The following ADGRF4 variants were observed in gnomAD, a reference collection of about 807,000 sequenced individuals.
The protein encoded by ADGRF4 is G-protein coupled receptor PGR18.
Under a neutral mutation model 58.5 loss-of-function variants are expected in ADGRF4, and 63 were observed. That is an observed-to-expected ratio of 1.08 (90% CI 0.88 to 1.33). The LOEUF is 1.33. ADGRF4 is among the 40% of genes most tolerant of loss of function. The pLI is 0.00. For missense variants in ADGRF4, 931 were observed against 843.9 expected, an observed-to-expected ratio of 1.10 and a Z score of -1.28; for synonymous variants, 313 against 295.4, an observed-to-expected ratio of 1.06 and a Z score of -0.61.
chr6:47,714,939 C>T lies in ADGRF4; in HGVS notation c.1694C>T (p.Pro565Leu), dbSNP rs140641930. ...NTKALLAFAI[P>L]AFVIVAVNLI... ...AAAGCCCTTTTAGCATTTGCCATCC[C>T]GGCGTTCGTCATTGTGGCTGTAAAT... Residue 565 changes from proline to leucine, a missense_variant, in exon 6 of 10, where the codon CCG (proline) becomes CTG (leucine). Transcript: ENST00000283303. The T allele has an allele frequency of 3.5e-5, 56 of 1,613,500 alleles. No homozygotes were observed. In the African/African-American group the frequency reaches 4.7e-4, roughly 13 times the overall value.
rs748750402 is a variant in ADGRF4 at position 47,714,637 on chromosome 6, C to T, written c.1392C>T (p.Asn464=). 2.3e-5 allele frequency: 37 copies of T among 1,614,086 alleles called. No individual in the cohort carries two copies. Among genetic ancestry groups the T allele is most frequent in the Non-Finnish European group, 3.1e-5 (36 of 1,180,032 alleles). Residue 464 remains asparagine (N), a synonymous_variant, in exon 6 of 10, where the codon AAC becomes AAT. Coordinates refer to ENST00000283303, the MANE Select transcript of ADGRF4 (RefSeq NM_153838.5). ...GGTTTATCATAGGCTCTCACTTTAA[C>T]ATTAAGGCCCAGGACTACAACATGT... is the stretch of plus-strand genomic sequence containing the variant. ...NVWFIIGSHF[N]IKAQDYNMCV... is the part of the protein sequence containing the mutation.
At chr6:47,709,722 G>A (rs1413439102) in intron 3 of ADGRF4, among the ~76,000 whole-genome samples, 3 of 152,208 alleles carry the variant, frequency 2.0e-5, no homozygotes, top group Non-Finnish European at 2.9e-5. Flanking sequence ...CATGCAGAGA[G>A]CAGCAAAAAA....
At chr6:47,707,386 G>T (rs1221641469) in intron 2 of ADGRF4, 48 bp downstream of exon 2, 2 of 1,051,192 alleles carry the variant, frequency 1.9e-6, no homozygotes, top group South Asian at 1.3e-5. Context: ...TCTCTCAGTT[G>T]CCCTCAATGG....
intron 6 of ADGRF4, 117 bp from the exon 7 acceptor site, chr6:47,716,689 G>T: frequency 1.3e-6 from 1 of 769,052 alleles, no homozygotes; most frequent in South Asian, 1.6e-5. Context: ...AGTGGAAACT[G>T]AACTTTCTAA....
intron 1 of ADGRF4, among the ~76,000 whole-genome samples, chr6:47,699,991 C>G (rs151130573): frequency 3.0e-4 from 46 of 151,910 alleles, no homozygotes; most frequent in Middle Eastern, 3.4e-3. Context: ...TCTAGTTAAC[C>G]TCTTTGGATT....
chr6:47,714,839 A>T lies in ADGRF4; in HGVS notation c.1594A>T (p.Thr532Ser). Reference protein sequence around the residue: ...GYGCPLIIAVTTVAITEPEKG... With the variant: ...GYGCPLIIAVSTVAITEPEKG... The stretch of plus-strand genomic sequence containing the variant: ...TGGGTGCCCATTGATCATTGCTGTC[A>T]CTACAGTTGCTATCACAGAGCCAGA... The change falls in exon 6 of 10, where the codon ACT (threonine) becomes TCT (serine). Residue 532 changes from threonine to serine, a missense_variant. Thr to Ser is a moderately conservative substitution (Grantham distance 58). Transcript: ENST00000283303. The T allele has an allele frequency of 6.2e-7, 1 of 1,610,880 alleles. No individual in the cohort carries two copies. Among genetic ancestry groups the T allele is most frequent in the Non-Finnish European group, 8.5e-7 (1 of 1,177,186 alleles).
Position 47,713,932 on chromosome 6 carries a change from T to G in ADGRF4, c.687T>G (p.Asn229Lys). 1 of 1,610,448 alleles carries G rather than the reference T, an allele frequency of 6.2e-7. No individual in the cohort carries two copies. Among genetic ancestry groups the G allele is most frequent in the Non-Finnish European group, 8.5e-7 (1 of 1,178,254 alleles). The change falls in exon 6 of 10, where the codon AAT becomes AAG. Residue 229 changes from asparagine (N) to lysine (K), a missense_variant. Physicochemically the swap from Asn to Lys is moderately conservative, Grantham distance 94. Coordinates refer to ENST00000283303, the MANE Select transcript of ADGRF4 (RefSeq NM_153838.5). ...NLFARQLHIHNNSENIVNELF... is the reference protein window; with the variant it reads ...NLFARQLHIHKNSENIVNELF... ...TTGCCAGACAACTCCACATCCACAATAATTCTGAGAACATTGTGAATGAAC... is the reference window on the plus strand; with the variant it reads ...TTGCCAGACAACTCCACATCCACAAGAATTCTGAGAACATTGTGAATGAAC...
In ADGRF4 at chr6:47,713,865, AC is replaced by A. The variant is rs1399587624; in HGVS notation, c.621del (p.Asn207LysfsTer12). The A allele has an allele frequency of 6.2e-7, 1 of 1,600,514 alleles. No homozygotes were observed. Among genetic ancestry groups the A allele is most frequent in the South Asian group, 1.1e-5 (1 of 88,094 alleles). On this transcript the variant is annotated frameshift_variant, in exon 6 of 10. Transcript: ENST00000283303. LOFTEE classifies it high-confidence loss of function. The stretch of plus-strand genomic sequence containing the variant: ...ATTTCAAACTGGGCTTTCATTCCCA[AC>A]AAAAATGCCAGCTCGGATTTGTTGC... ...AAISNWAFIP[N>X]KNASSDLLQS...
At chr6:47,717,467 G>A (rs559417416) in intron 8 of ADGRF4, 116 bp downstream of exon 8, 29 of 746,150 alleles carry the variant, frequency 3.9e-5, no homozygotes, top group African/African-American at 1.5e-4. Context: ...TCAATAAAGC[G>A]TACTTCATTC....
At chr6:47,712,928 G>A (rs1771907549) in intron 5 of ADGRF4, among the ~76,000 whole-genome samples, 1 of 152,240 alleles carries the variant, frequency 6.6e-6, no homozygotes, top group African/African-American at 2.4e-5. Flanking sequence ...CACCCAGGCA[G>A]TGGATTGGTA....
chr6:47,713,667 T>A (rs1267603060), intron 5 of ADGRF4, 131 bp from the exon 6 acceptor site: 3 of 657,308 alleles, frequency 4.6e-6, no homozygotes. Context: ...TTCTAATACA[T>A]AGGGAATTTG....
At position 47,715,148 on chromosome 6, in the gene ADGRF4, A is replaced by T; in HGVS notation, c.1903A>T (p.Ile635Leu). Residue 635 changes from isoleucine to leucine, a missense_variant, in exon 6 of 10, where the codon ATA becomes TTA. Transcript: ENST00000283303. ...AGAAGGCACTTCCTTGACGTTCCAT[A>T]TAATTTTTGCCTTGCTCAATGCTTT... ...LIEGTSLTFH[I>L]IFALLNAFQG... The T allele has an allele frequency of 6.3e-7, 1 of 1,591,202 alleles. No homozygotes were observed. The highest frequency in any genetic ancestry group is 8.6e-7 in the Non-Finnish European group (1 of 1,161,564).
In ADGRF4 at chr6:47,700,761, A is replaced by C. The variant is rs115737900; in HGVS notation, c.-17+1967A>C. Among the ~76,000 whole-genome samples, 659 of 152,268 alleles carry C rather than the reference A, an allele frequency of 4.3e-3. 3 individuals are homozygous for C. Among genetic ancestry groups the C allele is most frequent in the African/African-American group, 0.014 (574 of 41,556 alleles). ...CTAGAGTTGCAAACGTGCTCACCTG[A>C]CCCTCTGAGATAGAAAAGTTGCCTC... is the stretch of plus-strand genomic sequence containing the variant. On this transcript the variant is annotated intron_variant, in intron 1 of 9. Coordinates refer to ENST00000283303, the MANE Select transcript of ADGRF4 (RefSeq NM_153838.5).
rs1341399868 is a variant in ADGRF4, at chr6:47,713,878, C to T, written c.633C>T (p.Ser211=). ...CTTTCATTCCCAACAAAAATGCCAG[C>T]TCGGATTTGTTGCAGTCAGTGAATT... ...NWAFIPNKNA[S]SDLLQSVNLF... is the part of the protein sequence containing the mutation. The change falls in exon 6 of 10, where the codon AGC becomes AGT. Residue 211 remains serine, a synonymous_variant. Coordinates refer to ENST00000283303, the MANE Select transcript of ADGRF4 (RefSeq NM_153838.5). 6.2e-7 allele frequency: 1 copy of T among 1,604,908 alleles called. No homozygotes were observed. The highest frequency in any genetic ancestry group is 8.5e-7 in the Non-Finnish European group (1 of 1,176,440).
rs528319784 is a variant in ADGRF4, at chr6:47,708,296, A to T, written c.148+18A>T. 6.3e-7 allele frequency: 1 copy of T among 1,589,580 alleles called. No individual in the cohort carries two copies. Among genetic ancestry groups the T allele is most frequent in the South Asian group, 1.1e-5 (1 of 90,564 alleles). ...GATCCAAGGTATGTGGCTATAGAAC[A>T]GTCTTCATCCATTTGAAGACAGGGA... On this transcript the variant is annotated intron_variant, in intron 3 of 9. Transcript: ENST00000283303.
intron 7 of ADGRF4, among the ~76,000 whole-genome samples, chr6:47,717,060 G>A (rs1460876652): frequency 6.6e-6 from 1 of 152,062 alleles, no homozygotes; most frequent in Non-Finnish European, 1.5e-5. Flanking sequence ...TGCAAGTATT[G>A]CTGGTGAAAA....
intron 1 of ADGRF4, among the ~76,000 whole-genome samples, chr6:47,701,816 T>C (rs1429133617): frequency 6.6e-6 from 1 of 152,178 alleles, no homozygotes. Flanking sequence ...CTCAAGGCAT[T>C]TCTGATTACT....
At chr6:47,708,985 T>C (rs981374260) in intron 3 of ADGRF4, among the ~76,000 whole-genome samples, 1 of 150,942 alleles carries the variant, frequency 6.6e-6, no homozygotes, top group Non-Finnish European at 1.5e-5. Flanking sequence ...ATTCAAACTA[T>C]ATGGAAGAAG....
At chr6:47,701,766 C>T (rs1453915949) in intron 1 of ADGRF4, among the ~76,000 whole-genome samples, 1 of 152,180 alleles carries the variant, frequency 6.6e-6, no homozygotes, top group Non-Finnish European at 1.5e-5. Flanking sequence ...GTGTTTTCCT[C>T]CAAGATAACA....
Sources: gnomAD v4.1 joint callset for allele counts (sites outside exome capture counted in the v4.1 genomes callset) on GRCh38, gnomAD v4.1.1 for gene constraint, MANE v1.5 for transcripts, NCBI Gene and HGNC (gene_info 2026-07-23, HGNC 2026-07-21) for gene names.